RFC1: variants seen among roughly 807,000 people sequenced by gnomAD.
The protein encoded by RFC1 is replication factor C subunit 1.
Under a neutral mutation model 137.4 loss-of-function variants are expected in RFC1, and 37 were observed. The observed-to-expected ratio is 0.27, with a 90% CI of 0.21 to 0.35. The LOEUF (loss-of-function observed/expected upper bound fraction) is 0.35. Among genes scored for constraint, RFC1 ranks in the 10% least tolerant of loss-of-function variants. The pLI, the probability that RFC1 is intolerant of heterozygous loss-of-function variation, is 1.00. For synonymous variants in RFC1, 429 were observed against 455.7 expected, an observed-to-expected ratio of 0.94 and a Z score of 0.75; for missense variants, 1,205 against 1,358.5, an observed-to-expected ratio of 0.89 and a Z score of 1.78.
chr4:39,330,455 T>TACAAGCAGGCTC, intron 4 of RFC1, among the ~76,000 whole-genome samples: 2 of 152,234 alleles, frequency 1.3e-5, no homozygotes, highest in South Asian at 4.2e-4. Context: ...GCACATTTTC[T>TACAAGCAGGCTC]CTAATAATTT....
At chr4:39,314,478 C>G (rs1259860707) in intron 10 of RFC1, among the ~76,000 whole-genome samples, 2 of 152,120 alleles carry the variant, frequency 1.3e-5, no homozygotes, top group Non-Finnish European at 2.9e-5. Context: ...TAAGCTCTTA[C>G]TCCAGGAGCA....
chr4:39,336,142 A>G (rs1740340458), intron 4 of RFC1, among the ~76,000 whole-genome samples: 1 of 152,230 alleles, frequency 6.6e-6, no homozygotes, highest in African/African-American at 2.4e-5. Flanking sequence ...CACTAATAAA[A>G]GAGAATTGAA....
chr4:39,365,510 TTGTTTGAACATTTTATCCAGAATTA>T, intron 1 of RFC1: 1 of 985,236 alleles, frequency 1.0e-6, no homozygotes. Flanking sequence ...CACTTTCAAT[TTGTTTGAACATTTTATCCAGAATTA>T]TGCAGTGAGG....
chr4:39,342,512 T>TA lies in RFC1; in HGVS notation c.209-46dup, dbSNP rs774758973. ...AAAACAAAACTTTGAAAAGAACTAT[T>TA]ATAATATAGTGCATGTTTAAAGTAG... On this transcript the variant is annotated intron_variant, in intron 3 of 24. Coordinates refer to ENST00000349703, the MANE Select transcript of RFC1 (RefSeq NM_002913.5). 6 of 1,581,624 alleles carry TA rather than the reference T, an allele frequency of 3.8e-6. No individual in the cohort carries two copies. The Admixed American group carries it at 1.0e-4, about 27-fold the overall frequency.
intron 23 of RFC1, among the ~76,000 whole-genome samples, chr4:39,290,830 T>C (rs1242651111): frequency 7.1e-6 from 1 of 141,624 alleles, no homozygotes; most frequent in African/African-American, 2.7e-5. Context: ...AAAAAAAAGG[T>C]TGGGGGAGCT....
intron 7 of RFC1, among the ~76,000 whole-genome samples, chr4:39,322,853 G>A (rs536764646): frequency 1.3e-5 from 2 of 151,830 alleles, no homozygotes; most frequent in Non-Finnish European, 2.9e-5. Context: ...AGAGGCTGAG[G>A]CAGGAGAATC....
chr4:39,342,408 G>T lies in RFC1; in HGVS notation c.268C>A (p.Pro90Thr). ...KNAKKPPEKLPVSSKPGKISR... is the reference protein window; with the variant it reads ...KNAKKPPEKLTVSSKPGKISR... Reference sequence around the variant, plus strand: ...ATTTTACCAGGTTTAGAAGATACTGGCAGTTTTTCTGGTGGCTTTTTGGCA... The same window carrying T: ...ATTTTACCAGGTTTAGAAGATACTGTCAGTTTTTCTGGTGGCTTTTTGGCA... Residue 90 changes from proline to threonine, a missense_variant, in exon 4 of 25, where the codon CCA becomes ACA. Coordinates refer to ENST00000349703, the MANE Select transcript of RFC1 (RefSeq NM_002913.5). 1 of 1,613,524 alleles carries T rather than the reference G, an allele frequency of 6.2e-7. No individual in the cohort carries two copies. The highest frequency in any genetic ancestry group is 8.5e-7 in the Non-Finnish European group (1 of 1,179,598).
At chr4:39,345,351 G>A in intron 3 of RFC1, 50 bp downstream of exon 3, 2 of 1,468,584 alleles carry the variant, frequency 1.4e-6, no homozygotes, top group Non-Finnish European at 1.9e-6. Flanking sequence ...CTGTTCTAAG[G>A]GATATACAAT....
chr4:39,293,703 G>A (rs932709421), intron 22 of RFC1, among the ~76,000 whole-genome samples: 78 of 152,086 alleles, frequency 5.1e-4, no homozygotes, highest in African/African-American at 1.9e-3. Context: ...TTGGTCTAAT[G>A]AGGGAAGAGG....
intron 22 of RFC1, among the ~76,000 whole-genome samples, chr4:39,293,059 T>G (rs777682992): frequency 1.2e-4 from 19 of 152,192 alleles, no homozygotes; most frequent in Non-Finnish European, 2.5e-4. Context: ...GAACTGAATG[T>G]GTGAACCATA....
rs1295066990 is a variant in RFC1 at position 39,302,554 on chromosome 4, A to G, written c.2382T>C (p.Ile794=). Reference sequence around the variant, plus strand: ...TTATTTCATTCATAGCTGGAGGGGGAATCTTTAAACCTTCTTTAAATGCAA... The same window carrying G: ...TTATTTCATTCATAGCTGGAGGGGGGATCTTTAAACCTTCTTTAAATGCAA... ...MSIAFKEGLK[I]PPPAMNEIIL... is the part of the protein sequence containing the mutation. Residue 794 remains isoleucine (I), a synonymous_variant, in exon 18 of 25, where the codon ATT becomes ATC. Coordinates refer to ENST00000349703, the MANE Select transcript of RFC1 (RefSeq NM_002913.5). The G allele has an allele frequency of 1.2e-6, 2 of 1,611,898 alleles. No homozygotes were observed. The highest frequency in any genetic ancestry group is 2.2e-5 in the South Asian group (2 of 90,804).
At chr4:39,345,749 G>A (rs925746111) in intron 2 of RFC1, among the ~76,000 whole-genome samples, 4 of 151,982 alleles carry the variant, frequency 2.6e-5, no homozygotes, top group African/African-American at 4.8e-5. Context: ...GGGCTCAGTC[G>A]TTTTAACCAG....
intron 1 of RFC1, 65 bp from the exon 2 acceptor site, chr4:39,351,541 T>A: frequency 7.2e-7 from 1 of 1,388,820 alleles, no homozygotes; most frequent in Non-Finnish European, 9.6e-7. Flanking sequence ...ACTTCAATTG[T>A]AAGATGGGAC....
intron 4 of RFC1, among the ~76,000 whole-genome samples, chr4:39,337,150 G>T (rs577303173): frequency 2.0e-5 from 3 of 152,236 alleles, no homozygotes; most frequent in Admixed American, 6.5e-5. Flanking sequence ...CGAGGCAGGC[G>T]GATCACCTGA....
At chr4:39,318,002 CA>C (rs1175521981) in intron 9 of RFC1, 6 of 152,140 alleles carry the variant, frequency 3.9e-5, no homozygotes, top group Non-Finnish European at 7.3e-5. Flanking sequence ...TAAAAAAATA[CA>C]AAAACTAGCC....
At position 39,345,418 on chromosome 4, in the gene RFC1, C is replaced by G; in HGVS notation, c.191G>C (p.Arg64Thr). 6.2e-7 allele frequency: 1 copy of G among 1,613,806 alleles called. No individual in the cohort carries two copies. Among genetic ancestry groups the G allele is most frequent in the Non-Finnish European group, 8.5e-7 (1 of 1,179,832 alleles). ...ATTATTACCTGAATCATAGATGATC[C>G]TCTTTTTCTTGCTTGGTTGCTTTTG... Reference protein sequence around the residue: ...FKQKQPSKKKRIIYDSDSESE... With the variant: ...FKQKQPSKKKTIIYDSDSESE... The change falls in exon 3 of 25, where the codon AGG (arginine) becomes ACG (threonine). Residue 64 changes from arginine (R) to threonine (T), a missense_variant. Physicochemically the swap from Arg to Thr is moderately conservative, Grantham distance 71. Around this residue, in one of 3 missense-constraint regions of RFC1, gnomAD observed 962 missense variants for 1,035.3 expected, o/e 0.93. Coordinates refer to ENST00000349703, the MANE Select transcript of RFC1 (RefSeq NM_002913.5).
At chr4:39,361,271 C>G (rs1741740811) in intron 1 of RFC1, among the ~76,000 whole-genome samples, 1 of 152,168 alleles carries the variant, frequency 6.6e-6, no homozygotes, top group Non-Finnish European at 1.5e-5. Context: ...TGCCTGTAAT[C>G]CCAGCTACTT....
intron 3 of RFC1, among the ~76,000 whole-genome samples, chr4:39,344,347 A>G (rs978019788): frequency 6.6e-6 from 1 of 152,258 alleles, no homozygotes; most frequent in Non-Finnish European, 1.5e-5. Flanking sequence ...CAAAAAAGCC[A>G]GATCTTTCAA....
chr4:39,337,470 G>GTT (rs966939470), intron 4 of RFC1, among the ~76,000 whole-genome samples: 14 of 144,472 alleles, frequency 9.7e-5, no homozygotes, highest in Non-Finnish European at 1.9e-4. Flanking sequence ...GTGTGTGTGT[G>GTT]TGTAACATTT....
Sources: gnomAD v4.1 joint callset for allele counts (sites outside exome capture counted in the v4.1 genomes callset) on GRCh38, gnomAD v4.1.1 for gene constraint, gnomAD v4.1.1 regional missense constraint, MANE v1.5 for transcripts, NCBI Gene and HGNC (gene_info 2026-07-23, HGNC 2026-07-21) for gene names.